SEPTIN7: variants seen among roughly 807,000 people sequenced by gnomAD.
SEPTIN7 encodes septin 7.
Under a neutral mutation model 63.3 loss-of-function variants are expected in SEPTIN7, and 10 were observed. That is an observed-to-expected ratio of 0.16 (90% CI 0.10 to 0.27). The LOEUF is 0.27. SEPTIN7 is among the 10% of genes least tolerant of loss of function. The pLI is 1.00. For missense variants in SEPTIN7, 310 were observed against 521.0 expected, an observed-to-expected ratio of 0.59 and a Z score of 3.94; for synonymous variants, 131 against 165.3, an observed-to-expected ratio of 0.79 and a Z score of 1.59.
chr7:35,801,387 G>A, intron 1 of SEPTIN7, 117 bp downstream of exon 1: 1 of 1,333,316 alleles, frequency 7.5e-7, no homozygotes, highest in East Asian at 3.1e-5. Context: ...GCAGCGGCGA[G>A]GGGAGCCGGG....
chr7:35,873,870 C>A (rs1463123706), intron 6 of SEPTIN7, 95 bp downstream of exon 6: 7 of 1,186,398 alleles, frequency 5.9e-6, no homozygotes, highest in Non-Finnish European at 8.6e-6. Flanking sequence ...TTGTGAAGTA[C>A]ACACAACTAT....
rs144994630 is a variant in SEPTIN7 at position 35,891,482 on chromosome 7, T to C, written c.998+689T>C. 2.7e-3 allele frequency among the ~76,000 whole-genome samples: 405 copies of C among 152,298 alleles called. 2 individuals are homozygous for C. The highest frequency in any genetic ancestry group is 9.3e-3 in the African/African-American group (387 of 41,566). ...CAGCATGTTACTGTACTGAATGTTA[T>C]AGACAGTTGTAACATAATGTCAAGT... On this transcript the variant is annotated intron_variant, in intron 11 of 13. Transcript: ENST00000350320.
chr7:35,885,948 T>C, intron 10 of SEPTIN7, 69 bp downstream of exon 10: 1 of 1,096,792 alleles, frequency 9.1e-7, no homozygotes, highest in Non-Finnish European at 1.4e-6. Context: ...ACAGATTTAC[T>C]TTTTGCCTTC....
intron 1 of SEPTIN7, among the ~76,000 whole-genome samples, chr7:35,804,732 C>G (rs1391888912): frequency 6.6e-6 from 1 of 152,032 alleles, no homozygotes. Flanking sequence ...TACTATACAC[C>G]TGGGCTATAT....
At chr7:35,851,264 A>C (rs76427614) in intron 3 of SEPTIN7, among the ~76,000 whole-genome samples, 1,568 of 152,236 alleles carry the variant, frequency 0.01, 13 homozygotes, top group Non-Finnish European at 0.018. Context: ...CTTAATTTTC[A>C]TAGAGTAACA....
At chr7:35,904,112 T>C in intron 13 of SEPTIN7, 142 bp from the exon 14 acceptor site, 1 of 533,120 alleles carries the variant, frequency 1.9e-6, no homozygotes, top group South Asian at 4.2e-5. Context: ...TGTTTACTTC[T>C]AAATCTTTTA....
At chr7:35,807,522 G>A (rs1379396522) in intron 1 of SEPTIN7, among the ~76,000 whole-genome samples, 1 of 151,824 alleles carries the variant, frequency 6.6e-6, no homozygotes, top group Admixed American at 6.6e-5. Context: ...CCGCCACCGC[G>A]CCCGGCTAAT....
intron 1 of SEPTIN7, among the ~76,000 whole-genome samples, chr7:35,824,470 A>G (rs1783401194): frequency 6.6e-6 from 1 of 152,168 alleles, no homozygotes; most frequent in South Asian, 2.1e-4. Context: ...AATGTTGATT[A>G]CTTAAGATAT....
intron 3 of SEPTIN7, among the ~76,000 whole-genome samples, chr7:35,856,817 T>C (rs745704496): frequency 1.3e-5 from 2 of 152,204 alleles, no homozygotes; most frequent in Non-Finnish European, 2.9e-5. Context: ...TCTGTTTCTT[T>C]GGGATCTTCC....
downstream of SEPTIN7, among the ~76,000 whole-genome samples, chr7:35,909,473 T>C (rs1788700282): frequency 6.6e-6 from 1 of 152,226 alleles, no homozygotes. Context: ...GAAAAGGAGA[T>C]AGGTTTTTTT....
intron 8 of SEPTIN7, among the ~76,000 whole-genome samples, chr7:35,882,966 A>T (rs1443591884): frequency 6.6e-6 from 1 of 152,118 alleles, no homozygotes; most frequent in Non-Finnish European, 1.5e-5. Context: ...AGATAGGAGG[A>T]GTAAGTTCTA....
intron 6 of SEPTIN7, among the ~76,000 whole-genome samples, chr7:35,874,745 T>A (rs1294199997): frequency 1.3e-5 from 2 of 152,154 alleles, no homozygotes; most frequent in African/African-American, 4.8e-5. Context: ...TATATACTTA[T>A]ATGTTTGCAC....
intron 3 of SEPTIN7, among the ~76,000 whole-genome samples, chr7:35,835,173 AAAGTT>A (rs1784019471): frequency 6.6e-6 from 1 of 152,138 alleles, no homozygotes; most frequent in African/African-American, 2.4e-5. Flanking sequence ...GAATCATACA[AAAGTT>A]AAGAGCCATA....
chr7:35,895,413 T>C (rs1787900699), intron 11 of SEPTIN7, among the ~76,000 whole-genome samples: 1 of 152,174 alleles, frequency 6.6e-6, no homozygotes. Context: ...AGTATTTGAG[T>C]ATATTTGGTC....
At chr7:35,811,803 C>G (rs1788726573) in intron 1 of SEPTIN7, among the ~76,000 whole-genome samples, 1 of 152,178 alleles carries the variant, frequency 6.6e-6, no homozygotes, top group Non-Finnish European at 1.5e-5. Flanking sequence ...GCGGGTGGAT[C>G]ATGAGGTCAG....
chr7:35,825,779 A>G (rs1281908654), intron 1 of SEPTIN7, among the ~76,000 whole-genome samples: 1 of 152,106 alleles, frequency 6.6e-6, no homozygotes, highest in African/African-American at 2.4e-5. Context: ...TAAGATCTGA[A>G]CTCTAAGTTC....
At chr7:35,901,780 G>A (rs1049866607) in intron 12 of SEPTIN7, 19 of 151,894 alleles carry the variant, frequency 1.3e-4, no homozygotes, top group Non-Finnish European at 2.4e-4. Flanking sequence ...CTACTATTCC[G>A]AATTGTGTAT....
intron 1 of SEPTIN7, among the ~76,000 whole-genome samples, chr7:35,801,748 C>T (rs1299505219): frequency 3.3e-5 from 5 of 151,674 alleles, no homozygotes; most frequent in South Asian, 2.1e-4. Context: ...CGAGTGTGAA[C>T]GCTCGGGCGA....
chr7:35,801,236 T>G lies in SEPTIN7; in HGVS notation c.27T>G (p.Ala9=). Residue 9 remains alanine (A), a synonymous_variant, in exon 1 of 14, where the codon GCT becomes GCG. Coordinates refer to ENST00000350320, the MANE Select transcript of SEPTIN7 (RefSeq NM_001788.6). MSVSARSA[A]AEERSVNSST... is the part of the protein sequence containing the mutation. ...TGTCGGTCAGTGCGAGATCCGCTGC[T>G]GCTGAGGAGAGGAGCGTCAACAGCA... 1 of 1,535,190 alleles carries G rather than the reference T, an allele frequency of 6.5e-7. No individual in the cohort carries two copies. Among genetic ancestry groups the G allele is most frequent in the East Asian group, 2.6e-5 (1 of 38,088 alleles).
Sources: allele counts gnomAD v4.1 joint callset (sites outside exome capture counted in the v4.1 genomes callset), GRCh38; gene constraint gnomAD v4.1.1; transcripts MANE v1.5; gene names NCBI Gene and HGNC (gene_info 2026-07-23, HGNC 2026-07-21).